The following GKN1 variants were observed in gnomAD, a reference collection of about 807,000 sequenced individuals.
The protein encoded by GKN1 is gastrokine-1.
Under a neutral mutation model 19.7 loss-of-function variants are expected in GKN1, and 17 were observed. That is an observed-to-expected ratio of 0.86 (90% CI 0.59 to 1.29). GKN1 has a LOEUF of 1.29. Ranked by LOEUF, GKN1 falls within the 50% of genes most tolerant of loss-of-function variation. The probability of loss-of-function intolerance (pLI) is 0.00; values close to 1 mark genes in which losing one functional copy is unlikely to be tolerated. For synonymous variants in GKN1, 96 were observed against 78.3 expected (o/e 1.23, Z -1.20); for missense variants, 218 against 224.5 (o/e 0.97, Z 0.19).
At chr2:68,979,799 T>C (rs1670330475) in intron 4 of GKN1, 114 bp from the exon 5 acceptor site, 1 of 769,750 alleles carries the variant, frequency 1.3e-6, no homozygotes, top group Admixed American at 2.3e-5. Flanking sequence ...TATGGAAAAA[T>C]TTAGCTGAGC....
At chr2:68,979,400 TA>T (rs1009837935) in intron 4 of GKN1, among the ~76,000 whole-genome samples, 18 of 152,138 alleles carry the variant, frequency 1.2e-4, no homozygotes, top group Non-Finnish European at 2.2e-4. Flanking sequence ...TGGGATATAC[TA>T]AAAAAAGATC....
chr2:68,977,735 C>A lies in GKN1; in HGVS notation c.165C>A (p.Asn55Lys). The change falls in exon 3 of 6, where the codon AAC becomes AAA. Residue 55 changes from asparagine (N) to lysine (K), a missense_variant. Transcript: ENST00000377938. ...ATGTGGCCAATGTTGACAATAACAA[C>A]GGATGGGACTCCTGGAATTCCATCT... ...EHNVANVDNN[N>K]GWDSWNSIWD... The A allele has an allele frequency of 6.2e-7, 1 of 1,610,596 alleles. No homozygotes were observed. The highest frequency in any genetic ancestry group is 8.5e-7 in the Non-Finnish European group (1 of 1,176,858).
intron 3 of GKN1, 80 bp downstream of exon 3, chr2:68,977,854 T>A: frequency 1.8e-6 from 2 of 1,122,456 alleles, no homozygotes. Flanking sequence ...ATGTTAACCA[T>A]AAAGAAATTA....
Position 68,977,641 on chromosome 2 carries a change from T to A in GKN1, c.71T>A (p.Ile24Asn). ...FLAPALANYN[I>N]NVNDDNNNAG... ...TCAATCTCTTATAAACTTCAGAATA[T>A]CAACGTCAATGATGACAACAACAAT... Residue 24 changes from isoleucine (I) to asparagine (N), a missense_variant, in exon 3 of 6, where the codon ATC becomes AAC. Coordinates refer to ENST00000377938, the MANE Select transcript of GKN1 (RefSeq NM_019617.4). 1 of 1,610,990 alleles carries A rather than the reference T, an allele frequency of 6.2e-7. No homozygotes were observed. The highest frequency in any genetic ancestry group is 8.5e-7 in the Non-Finnish European group (1 of 1,177,204).
intron 5 of GKN1, 81 bp downstream of exon 5, chr2:68,980,141 A>C: frequency 8.2e-7 from 1 of 1,224,120 alleles, no homozygotes; most frequent in East Asian, 2.3e-5. Flanking sequence ...CATAGTGGGC[A>C]CCAGTGATGC....
At chr2:68,977,466 C>T (rs1217383908) in intron 1 of GKN1, 29 bp from the exon 2 acceptor site, 15 of 1,518,484 alleles carry the variant, frequency 9.9e-6, no homozygotes. Flanking sequence ...TGCCATGTAA[C>T]AGGAGACCAA....
intron 1 of GKN1, among the ~76,000 whole-genome samples, chr2:68,975,512 G>A (rs1670246222): frequency 6.6e-6 from 1 of 152,070 alleles, no homozygotes; most frequent in Admixed American, 6.6e-5. Flanking sequence ...GATGCAAAGG[G>A]GCTAGAATCA....
chr2:68,978,289 A>G (rs1284561760), intron 3 of GKN1, among the ~76,000 whole-genome samples: 43 of 141,814 alleles, frequency 3.0e-4, no homozygotes, highest in African/African-American at 4.8e-4. Context: ...AGAAAGAAAG[A>G]AAGAAAGAGA....
intron 3 of GKN1, chr2:68,977,992 C>A: frequency 1.8e-6 from 1 of 550,770 alleles, no homozygotes; most frequent in Non-Finnish European, 3.3e-6. Flanking sequence ...TTCAAACCAA[C>A]AAACACTATG....
At position 68,980,885 on chromosome 2, in the gene GKN1, G is replaced by A. The variant is rs1670349060; in HGVS notation, c.*62G>A. On this transcript the variant is annotated 3_prime_UTR_variant, in exon 6 of 6. Coordinates refer to ENST00000377938, the MANE Select transcript of GKN1 (RefSeq NM_019617.4). ...AATATGCTGTGCAGAAAAAATATGG[G>A]CTCCAGTGGTTTTTACCATGTCATT... The A allele has an allele frequency of 1.1e-5, 9 of 816,552 alleles. No homozygotes were observed. The highest frequency in any genetic ancestry group is 1.9e-5 in the Non-Finnish European group (9 of 467,240). The allele number at this position is 816,552 out of a possible 1,614,324, so 50.6% of individuals were successfully genotyped here.
chr2:68,980,225 T>C (rs57983899), intron 5 of GKN1, among the ~76,000 whole-genome samples, 165 bp downstream of exon 5: 49,268 of 151,912 alleles, frequency 0.32, 11,561 homozygotes, highest in African/African-American at 0.63. Flanking sequence ...GCTTTAAGTG[T>C]GTTAACTCGG....
At chr2:68,979,728 G>C (rs1670329656) in intron 4 of GKN1, among the ~76,000 whole-genome samples, 185 bp from the exon 5 acceptor site, 1 of 152,162 alleles carries the variant, frequency 6.6e-6, no homozygotes, top group Admixed American at 6.5e-5. Flanking sequence ...AAATCCCTTA[G>C]GACACTTAGA....
At chr2:68,979,771 G>T in intron 4 of GKN1, 142 bp from the exon 5 acceptor site, 1 of 638,724 alleles carries the variant, frequency 1.6e-6, no homozygotes, top group Non-Finnish European at 2.8e-6. Context: ...GCTAGAAATG[G>T]CTCTTCTTCA....
chr2:68,980,634 A>G (rs73934215), intron 5 of GKN1, 95 bp from the exon 6 acceptor site: 14,836 of 696,910 alleles, frequency 0.021, 482 homozygotes, highest in East Asian at 0.12. Flanking sequence ...ACATTAGCAC[A>G]TAGCTAGTTT....
Position 68,977,659 on chromosome 2 carries a change from A to C in GKN1, c.89A>C (p.Asn30Thr). The change falls in exon 3 of 6, where the codon AAC (asparagine) becomes ACC (threonine). Residue 30 changes from asparagine (N) to threonine (T), a missense_variant. Coordinates refer to ENST00000377938, the MANE Select transcript of GKN1 (RefSeq NM_019617.4). ...ANYNINVNDD[N>T]NNAGSGQQSV... Reference sequence around the variant, plus strand: ...CAGAATATCAACGTCAATGATGACAACAACAATGCTGGAAGTGGGCAGCAG... The same window carrying C: ...CAGAATATCAACGTCAATGATGACACCAACAATGCTGGAAGTGGGCAGCAG... The C allele has an allele frequency of 2.5e-6, 4 of 1,611,076 alleles. No homozygotes were observed. The highest frequency in any genetic ancestry group is 3.4e-6 in the Non-Finnish European group (4 of 1,177,194).
At chr2:68,977,798 C>G (rs768346627) in intron 3 of GKN1, 24 bp downstream of exon 3, 1 of 1,567,038 alleles carries the variant, frequency 6.4e-7, no homozygotes, top group Non-Finnish European at 8.8e-7. Flanking sequence ...GTGCAATTTT[C>G]ACTTTATTGT....
At position 68,976,290 on chromosome 2, in the gene GKN1, T is replaced by C. The variant is rs1670261540; in HGVS notation, c.13-1205T>C. Among the ~76,000 whole-genome samples, 3 of 152,350 alleles carry C rather than the reference T, an allele frequency of 2.0e-5. No individual in the cohort carries two copies. The South Asian group carries it at 6.2e-4, about 32-fold the overall frequency. On this transcript the variant is annotated intron_variant, in intron 1 of 5. Transcript: ENST00000377938. ...CAAACCATAGTATTCATTTATACTA[T>C]GCTATTTATTGTAAAACTTCTTTTT...
intron 1 of GKN1, among the ~76,000 whole-genome samples, chr2:68,975,532 T>C (rs1172675936): frequency 6.6e-6 from 1 of 152,142 alleles, no homozygotes. Context: ...AGATGACTAT[T>C]TTCATGTTTC....
rs757383272 is a variant in GKN1 at position 68,978,852 on chromosome 2, T to C, written c.205-19T>C. On this transcript the variant is annotated intron_variant, in intron 3 of 5. Transcript: ENST00000377938. ...CCTCGGAGAACACATGCCTCACTATTTGCCATCTACTTTAACAGGGCTTTG... is the reference window on the plus strand; with the variant it reads ...CCTCGGAGAACACATGCCTCACTATCTGCCATCTACTTTAACAGGGCTTTG... 5 of 1,394,252 alleles carry C rather than the reference T, an allele frequency of 3.6e-6. No individual in the cohort carries two copies. The highest frequency in any genetic ancestry group is 5.1e-6 in the Non-Finnish European group (5 of 983,626). The allele number at this position is 1,394,252 out of a possible 1,614,324, so 86.4% of individuals were successfully genotyped here. A position where few individuals can be genotyped will look rare whatever the true frequency, so the allele number is the denominator to read the frequency against.
Sources: allele counts gnomAD v4.1 joint callset (sites outside exome capture counted in the v4.1 genomes callset), GRCh38; gene constraint gnomAD v4.1.1; transcripts MANE v1.5; gene names NCBI Gene and HGNC (gene_info 2026-07-23, HGNC 2026-07-21).